The following ECH1 variants were observed in gnomAD, a reference collection of about 807,000 sequenced individuals.
The protein encoded by ECH1 is delta(3,5)-Delta(2,4)-dienoyl-CoA isomerase, mitochondrial.
Under a neutral mutation model 37.0 loss-of-function variants are expected in ECH1, and 30 were observed. The observed-to-expected ratio is 0.81, with a 90% CI of 0.61 to 1.10. The LOEUF (loss-of-function observed/expected upper bound fraction) is 1.10, where lower values mean the gene tolerates loss of function less well. Ranked by LOEUF, ECH1 falls within the 50% of genes least tolerant of loss-of-function variation. The probability of loss-of-function intolerance (pLI) is 0.00; values close to 1 mark genes in which losing one functional copy is unlikely to be tolerated. For synonymous variants in ECH1, 178 were observed against 176.0 expected (o/e 1.01, Z -0.09); for missense variants, 456 against 441.6 (o/e 1.03, Z -0.29).
chr19:38,819,227 G>A, intron 3 of ECH1: 1 of 985,350 alleles, frequency 1.0e-6, no homozygotes. Flanking sequence ...CATTGAGAAG[G>A]TGACCTTGAG....
At chr19:38,816,136 G>C in intron 8 of ECH1, 129 bp from the exon 9 acceptor site, 1 of 1,467,564 alleles carries the variant, frequency 6.8e-7, no homozygotes, top group South Asian at 1.3e-5. Context: ...ATCAGAGCAG[G>C]GGGCTGACCC....
chr19:38,819,008 T>TGTGTGTGTGCGCGCGC (rs371773394), intron 3 of ECH1: 3 of 324,272 alleles, frequency 9.3e-6, no homozygotes, highest in Admixed American at 6.6e-5. Flanking sequence ...TGTGTGTGTG[T>TGTGTGTGTGCGCGCGC]GCGGGCACGT....
chr19:38,817,337 G>A lies in ECH1; in HGVS notation c.502C>T (p.His168Tyr), dbSNP rs1159132773. ...RCPKPVIAAV[H>Y]GGCIGGGVDL... The stretch of plus-strand genomic sequence containing the variant: ...TCACCTCCGCCAATGCAGCCCCCAT[G>A]GACGGCAGCAATCACGGGCTTGGGG... The change falls in exon 5 of 10, where the codon CAT becomes TAT. Residue 168 changes from histidine (H) to tyrosine (Y), a missense_variant. His to Tyr is a moderately conservative substitution (Grantham distance 83). Transcript: ENST00000221418. The A allele has an allele frequency of 2.5e-6, 4 of 1,577,364 alleles. No individual in the cohort carries two copies.
intron 9 of ECH1, 66 bp from the exon 10 acceptor site, chr19:38,815,783 T>G (rs530366183): frequency 1.2e-6 from 2 of 1,613,670 alleles, no homozygotes; most frequent in East Asian, 4.5e-5. Context: ...GGATAAAGCA[T>G]GAGAGCACCC....
At position 38,817,444 on chromosome 19, in the gene ECH1, G is replaced by A. The variant is rs1971595816; in HGVS notation, c.474+7C>T. 1 of 1,613,244 alleles carries A rather than the reference G, an allele frequency of 6.2e-7. No homozygotes were observed. Among genetic ancestry groups the A allele is most frequent in the African/African-American group, 1.3e-5 (1 of 74,910 alleles). On this transcript the variant is annotated splice_region_variant and intron_variant, in intron 4 of 9. Coordinates refer to ENST00000221418, the MANE Select transcript of ECH1 (RefSeq NM_001398.3). ...GAGAAAGATCCCCTCCAGACCCCTA[G>A]AGTCACCCTCTCGATGACGTTGAAG...
chr19:38,816,163 G>A, intron 8 of ECH1, 121 bp downstream of exon 8: 3 of 1,468,166 alleles, frequency 2.0e-6, no homozygotes, highest in Middle Eastern at 4.9e-4. Flanking sequence ...AAAGAAATGA[G>A]CTCACCAAGA....
chr19:38,827,459 T>A (rs1235444877), intron 3 of ECH1, among the ~76,000 whole-genome samples: 1 of 151,876 alleles, frequency 6.6e-6, no homozygotes, highest in South Asian at 2.1e-4. Flanking sequence ...GGCAGAACAC[T>A]CTCTCGGTGT....
intron 7 of ECH1, 36 bp downstream of exon 7, chr19:38,816,417 G>A (rs1340853928): frequency 6.2e-7 from 1 of 1,613,748 alleles, no homozygotes; most frequent in Non-Finnish European, 8.5e-7. Flanking sequence ...ATGCTCTGGG[G>A]TCTCCTGCCC....
At chr19:38,826,363 C>G (rs1268982670) in intron 3 of ECH1, among the ~76,000 whole-genome samples, 2 of 152,226 alleles carry the variant, frequency 1.3e-5, no homozygotes, top group Non-Finnish European at 2.9e-5. Flanking sequence ...CACTGCTTTT[C>G]CTTATCAAAG....
intron 3 of ECH1, chr19:38,818,415 C>G: frequency 1.0e-6 from 1 of 985,070 alleles, no homozygotes; most frequent in Non-Finnish European, 1.2e-6. Context: ...CCACCTGTGT[C>G]CCCAGTCTAT....
chr19:38,816,526 G>C lies in ECH1; in HGVS notation c.589-3C>G, dbSNP rs201410792. ...GCAGCCAAACCCACGTCCACCTCCT[G>C]GGGGAGGAATCGGGTCAGTGTTTGG... is the stretch of plus-strand genomic sequence containing the variant. On this transcript the variant is annotated splice_polypyrimidine_tract_variant and splice_region_variant and intron_variant, in intron 6 of 9. Coordinates refer to ENST00000221418, the MANE Select transcript of ECH1 (RefSeq NM_001398.3). The C allele has an allele frequency of 3.2e-4, 524 of 1,614,094 alleles. 5 individuals carry two copies. In the African/African-American group the frequency reaches 5.5e-3, roughly 17 times the overall value.
At chr19:38,817,034 C>T in intron 6 of ECH1, 31 bp downstream of exon 6, 5 of 1,556,262 alleles carry the variant, frequency 3.2e-6, no homozygotes, top group Non-Finnish European at 4.3e-6. Flanking sequence ...CACTGCCCAG[C>T]TCTAAGCAGG....
Position 38,831,773 on chromosome 19 carries a change from C to T in ECH1, c.-1G>A. Reference sequence around the variant, plus strand: ...GAGAAGCCACTATCCCCGCCGCCATCGCCGCCGCCTTCGTCTACTGCGTTC... The same window carrying T: ...GAGAAGCCACTATCCCCGCCGCCATTGCCGCCGCCTTCGTCTACTGCGTTC... On this transcript the variant is annotated 5_prime_UTR_variant, in exon 1 of 10. Coordinates refer to ENST00000221418, the MANE Select transcript of ECH1 (RefSeq NM_001398.3). 1 of 1,613,300 alleles carries T rather than the reference C, an allele frequency of 6.2e-7. No individual in the cohort carries two copies. The highest frequency in any genetic ancestry group is 1.3e-5 in the African/African-American group (1 of 75,052).
At chr19:38,830,322 A>G (rs1447613708) in intron 3 of ECH1, among the ~76,000 whole-genome samples, 2 of 152,202 alleles carry the variant, frequency 1.3e-5, no homozygotes, top group African/African-American at 4.8e-5. Context: ...TAGTTGCACG[A>G]AAGCATGTTA....
intron 8 of ECH1, 44 bp from the exon 9 acceptor site, chr19:38,816,051 C>G (rs756859563): frequency 6.7e-5 from 108 of 1,607,998 alleles, no homozygotes; most frequent in Middle Eastern, 2.2e-4. Flanking sequence ...GGGAAGGGCT[C>G]TCTCCTCCAG....
Position 38,815,560 on chromosome 19 carries a change from G to T in ECH1, c.*53C>A. 6.5e-7 allele frequency: 1 copy of T among 1,547,420 alleles called. No homozygotes were observed. Among genetic ancestry groups the T allele is most frequent in the South Asian group, 1.1e-5 (1 of 89,398 alleles). ...TCATCGCCCATCCTCCCTTTCTGTGGATGAGGCGGGACAAGGCCGGCCCCC... is the reference window on the plus strand; with the variant it reads ...TCATCGCCCATCCTCCCTTTCTGTGTATGAGGCGGGACAAGGCCGGCCCCC... On this transcript the variant is annotated 3_prime_UTR_variant, in exon 10 of 10. Coordinates refer to ENST00000221418, the MANE Select transcript of ECH1 (RefSeq NM_001398.3).
intron 6 of ECH1, chr19:38,816,793 G>A: frequency 4.8e-6 from 3 of 620,708 alleles, no homozygotes; most frequent in Admixed American, 5.7e-5. Context: ...CACCCTACCT[G>A]AGACCCCTTT....
In ECH1 at chr19:38,817,482, C is replaced by T. The variant is rs750317339; in HGVS notation, c.443G>A (p.Arg148Gln). Residue 148 changes from arginine to glutamine, a missense_variant, in exon 4 of 10, where the codon CGA (arginine) becomes CAA (glutamine). Arg to Gln is a conservative substitution (Grantham distance 43, BLOSUM62 1). Transcript: ENST00000221418. ...ISWYLRDIITRYQETFNVIER... is the reference protein window; with the variant it reads ...ISWYLRDIITQYQETFNVIER... ...GATGACGTTGAAGGTCTCCTGGTAT[C>T]GAGTGATGATGTCACGGAGGTACCA... is the stretch of plus-strand genomic sequence containing the variant. The T allele has an allele frequency of 1.9e-6, 3 of 1,613,856 alleles. No individual in the cohort carries two copies. Among genetic ancestry groups the T allele is most frequent in the South Asian group, 2.2e-5 (2 of 91,000 alleles).
intron 3 of ECH1, chr19:38,819,319 T>A: frequency 1.5e-6 from 1 of 683,058 alleles, no homozygotes; most frequent in Non-Finnish European, 1.8e-6. Context: ...ACAGACTGAC[T>A]CCTTCACTTC....
Sources: allele counts gnomAD v4.1 joint callset (sites outside exome capture counted in the v4.1 genomes callset), GRCh38; gene constraint gnomAD v4.1.1; transcripts MANE v1.5; gene names NCBI Gene and HGNC (gene_info 2026-07-23, HGNC 2026-07-21).